The following CDH18 variants were observed in gnomAD, a reference collection of about 807,000 sequenced individuals.
CDH18 encodes the protein cadherin-18.
CDH18 carries 31 observed loss-of-function variants against 67.9 expected under a neutral mutation model. The ratio of observed to expected loss-of-function variants is 0.46; its 90% confidence interval spans 0.34 to 0.62. CDH18 has a LOEUF of 0.62. Ranked by LOEUF, CDH18 falls within the 20% of genes least tolerant of loss-of-function variation. The pLI, the probability that CDH18 is intolerant of heterozygous loss-of-function variation, is 0.01. For missense variants in CDH18, 890 were observed against 975.5 expected (o/e 0.91, Z 1.17); for synonymous variants, 362 against 347.2 (o/e 1.04, Z -0.48).
At chr5:19,909,278 G>A (rs902591796) in intron 2 of CDH18, among the ~76,000 whole-genome samples, 24 of 150,042 alleles carry the variant, frequency 1.6e-4, no homozygotes, top group African/African-American at 5.4e-4. Context: ...AGAAAAGAAC[G>A]CAAGTAAAGT....
At chr5:20,387,464 T>G (rs901923140) in intron 1 of CDH18, among the ~76,000 whole-genome samples, 1 of 152,212 alleles carries the variant, frequency 6.6e-6, no homozygotes, top group South Asian at 2.1e-4. Flanking sequence ...AAGGAGATTT[T>G]GGGCTGAGAC....
Position 19,473,441 on chromosome 5 carries a change from G to A in CDH18, c.2158C>T (p.Leu720=), listed in dbSNP as rs752646402. 6.2e-7 allele frequency: 1 copy of A among 1,613,866 alleles called. No individual in the cohort carries two copies. Among genetic ancestry groups the A allele is most frequent in the South Asian group, 1.1e-5 (1 of 91,084 alleles). ...CTAGGGTCTAGGTCTGCTTCTGCCAGTCTTTGCTTAATAAATTCCTGAACA... is the reference window on the plus strand; with the variant it reads ...CTAGGGTCTAGGTCTGCTTCTGCCAATCTTTGCTTAATAAATTCCTGAACA... ...IDVQEFIKQR[L]AEADLDPSVP... Residue 720 remains leucine, a synonymous_variant, in exon 13 of 13, where the codon CTG becomes TTG. Coordinates refer to ENST00000382275, the MANE Select transcript of CDH18 (RefSeq NM_004934.5).
At chr5:20,448,394 C>T (rs1020861837) in intron 1 of CDH18, among the ~76,000 whole-genome samples, 1 of 151,836 alleles carries the variant, frequency 6.6e-6, no homozygotes, top group Non-Finnish European at 1.5e-5. Context: ...TTTCATCAGG[C>T]ATGACAGATA....
intron 5 of CDH18, among the ~76,000 whole-genome samples, chr5:19,681,627 G>A (rs1003498061): frequency 6.6e-6 from 1 of 151,884 alleles, no homozygotes; most frequent in Non-Finnish European, 1.5e-5. Flanking sequence ...GTAAACAAAT[G>A]TAAGAACCAA....
At chr5:19,655,709 T>C (rs1756267219) in intron 5 of CDH18, among the ~76,000 whole-genome samples, 2 of 152,088 alleles carry the variant, frequency 1.3e-5, no homozygotes, top group Non-Finnish European at 1.5e-5. Flanking sequence ...GAATATTTGA[T>C]ATAAGCCTTT....
At chr5:19,774,295 T>A (rs1280705878) in intron 3 of CDH18, among the ~76,000 whole-genome samples, 1 of 151,924 alleles carries the variant, frequency 6.6e-6, no homozygotes, top group African/African-American at 2.4e-5. Context: ...ATGCCTATAG[T>A]CCCAACTGTT....
chr5:19,515,627 T>A (rs1745858508), intron 10 of CDH18, among the ~76,000 whole-genome samples: 1 of 152,178 alleles, frequency 6.6e-6, no homozygotes, highest in African/African-American at 2.4e-5. Flanking sequence ...GAATGGGAGT[T>A]CACTCATGAT....
At chr5:20,419,897 TA>T (rs1747720415) in intron 1 of CDH18, among the ~76,000 whole-genome samples, 1 of 151,150 alleles carries the variant, frequency 6.6e-6, no homozygotes, top group African/African-American at 2.5e-5. Flanking sequence ...TTTACTTATA[TA>T]TTAATTGTTC....
chr5:19,824,289 G>A (rs879167509), intron 3 of CDH18, among the ~76,000 whole-genome samples: 15 of 152,088 alleles, frequency 9.9e-5, no homozygotes, highest in African/African-American at 2.2e-4. Context: ...AAACCACGTC[G>A]GGACCCATCA....
At chr5:20,042,652 C>T (rs368039057) in intron 2 of CDH18, among the ~76,000 whole-genome samples, 1 of 152,116 alleles carries the variant, frequency 6.6e-6, no homozygotes, top group Non-Finnish European at 1.5e-5. Flanking sequence ...CTCATTTCCA[C>T]CAATTTGTCC....
chr5:19,975,407 T>C (rs1709782142), intron 2 of CDH18, among the ~76,000 whole-genome samples: 1 of 151,962 alleles, frequency 6.6e-6, no homozygotes, highest in Non-Finnish European at 1.5e-5. Context: ...AGATGAAAAA[T>C]AAGTATGAAG....
chr5:20,170,664 C>T (rs908644589), intron 2 of CDH18, among the ~76,000 whole-genome samples: 2 of 151,872 alleles, frequency 1.3e-5, no homozygotes, highest in African/African-American at 4.8e-5. Flanking sequence ...TAGGTTTTCC[C>T]CTCTACATAG....
chr5:19,933,210 T>G (rs1482602208), intron 2 of CDH18, among the ~76,000 whole-genome samples: 2 of 151,552 alleles, frequency 1.3e-5, no homozygotes, highest in Non-Finnish European at 3.0e-5. Flanking sequence ...ATAAGTGAAA[T>G]TTTTATAAGC....
intron 5 of CDH18, among the ~76,000 whole-genome samples, chr5:19,622,894 C>T (rs552166304): frequency 2.0e-5 from 3 of 152,146 alleles, no homozygotes; most frequent in African/African-American, 7.2e-5. Flanking sequence ...ACAATCCCTG[C>T]TAAATTTCCT....
chr5:20,008,937 C>T (rs564364278), intron 2 of CDH18, among the ~76,000 whole-genome samples: 1 of 152,154 alleles, frequency 6.6e-6, no homozygotes, highest in East Asian at 1.9e-4. Flanking sequence ...TAATGAGAGA[C>T]GTTAGTCAAG....
chr5:20,092,699 C>A (rs1411338824), intron 2 of CDH18, among the ~76,000 whole-genome samples: 1 of 152,076 alleles, frequency 6.6e-6, no homozygotes, highest in African/African-American at 2.4e-5. Context: ...ATATGCTTAT[C>A]ATTTGCTTGC....
chr5:19,884,083 T>C (rs1787943359), intron 2 of CDH18, among the ~76,000 whole-genome samples: 4 of 152,148 alleles, frequency 2.6e-5, no homozygotes, highest in Admixed American at 2.0e-4. Flanking sequence ...AAGCCTTTTA[T>C]GGAGATTTCT....
At chr5:20,499,399 T>TA (rs1179500745) in intron 1 of CDH18, among the ~76,000 whole-genome samples, 1 of 152,134 alleles carries the variant, frequency 6.6e-6, no homozygotes, top group Non-Finnish European at 1.5e-5. Context: ...TGTTATTTTT[T>TA]ATTCTTTTCT....
At chr5:20,194,760 G>T (rs1450299687) in intron 2 of CDH18, among the ~76,000 whole-genome samples, 1 of 151,976 alleles carries the variant, frequency 6.6e-6, no homozygotes, top group East Asian at 1.9e-4. Context: ...AGTTGATTCA[G>T]CTGATCTGGG....
Sources: allele counts gnomAD v4.1 joint callset (sites outside exome capture counted in the v4.1 genomes callset), GRCh38; gene constraint gnomAD v4.1.1; transcripts MANE v1.5; gene names NCBI Gene and HGNC (gene_info 2026-07-23, HGNC 2026-07-21).